Variants in MRC1 observed in about 807,000 individuals in gnomAD.
The protein encoded by MRC1 is macrophage mannose receptor 1.
A neutral mutation model predicts 102.9 loss-of-function variants in MRC1; 62 were observed. The ratio of observed to expected loss-of-function variants is 0.60; its 90% CI spans 0.49 to 0.74. The LOEUF (loss-of-function observed/expected upper bound fraction) is 0.74, where lower values mean the gene tolerates loss of function less well. Ranked by LOEUF, MRC1 falls within the 30% of genes least tolerant of loss-of-function variation. MRC1 has a pLI of 0.00. For missense variants in MRC1, 1,237 were observed against 862.8 expected, an observed-to-expected ratio of 1.43 and a Z score of -5.43; for synonymous variants, 457 against 298.4, an observed-to-expected ratio of 1.53 and a Z score of -5.48.
chr10:17,857,528 T>C (rs1182149726), intron 9 of MRC1, among the ~76,000 whole-genome samples: 1 of 152,228 alleles, frequency 6.6e-6, no homozygotes, highest in African/African-American at 2.4e-5. Flanking sequence ...AATAAAATAA[T>C]AGCAGTCCCT....
chr10:17,849,854 A>C, intron 7 of MRC1, 90 bp downstream of exon 7: 1 of 648,048 alleles, frequency 1.5e-6, no homozygotes, highest in Non-Finnish European at 2.8e-6. Context: ...CATAAACATC[A>C]AATTTAATCA....
chr10:17,824,512 T>C (rs1042912829), intron 2 of MRC1, among the ~76,000 whole-genome samples: 26 of 152,308 alleles, frequency 1.7e-4, no homozygotes, highest in Non-Finnish European at 2.9e-4. Context: ...ATTTTCCATC[T>C]AGGCACAGAA....
intron 26 of MRC1, among the ~76,000 whole-genome samples, chr10:17,906,041 TC>T (rs1440700581): frequency 6.6e-6 from 1 of 152,234 alleles, no homozygotes; most frequent in Non-Finnish European, 1.5e-5. Flanking sequence ...GGTTGTCACT[TC>T]CATAGCCATC....
chr10:17,910,561 A>G lies in MRC1; in HGVS notation c.*96A>G, dbSNP rs1833955582. 7.7e-6 allele frequency: 6 copies of G among 774,390 alleles called. No homozygotes were observed. The highest frequency in any genetic ancestry group is 1.7e-5 in the African/African-American group (1 of 59,000). 48.0% of individuals were successfully genotyped at this position (774,390 alleles called of 1,614,324 possible). On this transcript the variant is annotated 3_prime_UTR_variant, in exon 30 of 30. Coordinates refer to ENST00000569591, the MANE Select transcript of MRC1 (RefSeq NM_002438.4). ...TGTGATTGTTTTCTTTAAAATGAGT[A>G]CTGAATTGTACTGGTCTGTCCTTTT...
intron 26 of MRC1, 77 bp from the exon 27 acceptor site, chr10:17,906,809 A>G (rs897716582): frequency 2.6e-6 from 2 of 780,048 alleles, no homozygotes; most frequent in South Asian, 1.3e-5. Flanking sequence ...GTTGCTCTCA[A>G]TAGCAGTGCT....
chr10:17,891,236 G>A (rs1833670094), intron 22 of MRC1, among the ~76,000 whole-genome samples: 1 of 151,022 alleles, frequency 6.6e-6, no homozygotes, highest in Non-Finnish European at 1.5e-5. Context: ...GCGCGATCTC[G>A]GCTCACTACA....
intron 3 of MRC1, among the ~76,000 whole-genome samples, chr10:17,831,084 G>A (rs1554839019): frequency 6.8e-6 from 1 of 148,064 alleles, no homozygotes; most frequent in Non-Finnish European, 1.5e-5. Context: ...TTTTAGTAGA[G>A]ACGGAGTTTC....
chr10:17,853,220 T>C (rs1833011972), intron 8 of MRC1, 96 bp downstream of exon 8: 1 of 750,778 alleles, frequency 1.3e-6, no homozygotes, highest in Non-Finnish European at 2.5e-6. Context: ...AGATTGTTTT[T>C]ATTCTACATA....
At chr10:17,818,556 C>G (rs1554838058) in intron 1 of MRC1, among the ~76,000 whole-genome samples, 2 of 152,194 alleles carry the variant, frequency 1.3e-5, no homozygotes, top group Non-Finnish European at 2.9e-5. Context: ...CACCTGTAAT[C>G]CCAACACGTT....
chr10:17,844,115 A>T (rs2130631571), intron 5 of MRC1, among the ~76,000 whole-genome samples: 1 of 152,338 alleles, frequency 6.6e-6, no homozygotes, highest in East Asian at 1.9e-4. Flanking sequence ...AGCTGCTGAA[A>T]GTCTTCTTCA....
intron 3 of MRC1, among the ~76,000 whole-genome samples, chr10:17,830,439 T>G (rs1554838974): frequency 1.1e-4 from 16 of 151,412 alleles, no homozygotes; most frequent in Non-Finnish European, 2.2e-4. Context: ...GACGAGCATT[T>G]TATTTTATAT....
At chr10:17,813,871 T>G (rs1364100832) in intron 1 of MRC1, among the ~76,000 whole-genome samples, 1 of 151,730 alleles carries the variant, frequency 6.6e-6, no homozygotes, top group African/African-American at 2.4e-5. Flanking sequence ...CTAACTTTTG[T>G]GTTTTTTTGT....
chr10:17,885,213 AT>A, intron 21 of MRC1, 55 bp from the exon 22 acceptor site: 1 of 778,702 alleles, frequency 1.3e-6, no homozygotes, highest in South Asian at 1.4e-5. Context: ...AATATTTTCC[AT>A]ATTTTGAGTA....
intron 6 of MRC1, among the ~76,000 whole-genome samples, chr10:17,847,473 G>A: frequency 6.6e-6 from 1 of 152,172 alleles, no homozygotes; most frequent in East Asian, 1.9e-4. Flanking sequence ...CTGGATTAAT[G>A]ATTCTGTTTT....
chr10:17,890,676 G>A (rs1055378357), intron 22 of MRC1, among the ~76,000 whole-genome samples: 3 of 151,998 alleles, frequency 2.0e-5, no homozygotes, highest in Admixed American at 6.6e-5. Context: ...CTTGCTCTTC[G>A]CTTCAAACTG....
rs572748750 is a variant in MRC1 at position 17,819,593 on chromosome 10, G to A, written c.62-3481G>A. ...GAAGCTGGCAAGTCCAAAACCTGCA[G>A]GGGTAGAGGAGTATGCAGGAAACTC... On this transcript the variant is annotated intron_variant, in intron 1 of 29. Transcript: ENST00000569591. 2.7e-4 allele frequency among the ~76,000 whole-genome samples: 41 copies of A among 152,204 alleles called. No homozygotes were observed. The East Asian group carries it at 7.9e-3, about 29-fold the overall frequency.
intron 22 of MRC1, 152 bp downstream of exon 22, chr10:17,885,587 T>G: frequency 1.5e-6 from 1 of 660,256 alleles, no homozygotes; most frequent in Non-Finnish European, 2.8e-6. Context: ...TGAGCTGACT[T>G]TGAGAGAGGG....
At chr10:17,815,694 T>G (rs550910357) in intron 1 of MRC1, among the ~76,000 whole-genome samples, 1,553 of 152,340 alleles carry the variant, frequency 0.01, 35 homozygotes, top group African/African-American at 0.036. Flanking sequence ...TATTATGTAC[T>G]TTTCCAAATG....
intron 15 of MRC1, 66 bp downstream of exon 15, chr10:17,872,192 T>C (rs1280733453): frequency 2.6e-6 from 2 of 778,440 alleles, no homozygotes; most frequent in African/African-American, 3.4e-5. Flanking sequence ...CCCAGAATCT[T>C]TCCTTTATTA....
Sources: allele counts gnomAD v4.1 joint callset (sites outside exome capture counted in the v4.1 genomes callset), GRCh38; gene constraint gnomAD v4.1.1; transcripts MANE v1.5; gene names NCBI Gene and HGNC (gene_info 2026-07-23, HGNC 2026-07-21).